Variants in RNF170 observed in about 807,000 individuals in gnomAD.
RNF170 encodes the protein E3 ubiquitin-protein ligase RNF170.
In RNF170, 12 loss-of-function variants were observed where a neutral mutation model predicts 32.7. That is an observed-to-expected ratio of 0.37 (90% CI 0.24 to 0.60). The LOEUF is 0.60. Ranked by LOEUF, RNF170 falls within the 20% of genes least tolerant of loss-of-function variation. The pLI is 0.72. For missense variants in RNF170, 212 were observed against 311.2 expected, an observed-to-expected ratio of 0.68 and a Z score of 2.40; for synonymous variants, 91 against 103.6, an observed-to-expected ratio of 0.88 and a Z score of 0.74.
At chr8:42,859,704 A>G (rs35057982) in intron 6 of RNF170, among the ~76,000 whole-genome samples, 11,751 of 151,936 alleles carry the variant, frequency 0.077, 530 homozygotes, top group African/African-American at 0.12. Flanking sequence ...GCTGGAGTGC[A>G]GTGATGTGAT....
intron 2 of RNF170, among the ~76,000 whole-genome samples, chr8:42,885,667 A>C (rs143666229): frequency 0.014 from 2,201 of 152,310 alleles, 29 homozygotes; most frequent in Middle Eastern, 0.031. Flanking sequence ...CCTGGTGATT[A>C]GTAATGTTGA....
At chr8:42,883,570 G>GAAAAAAAAAA (rs34475440) in intron 2 of RNF170, among the ~76,000 whole-genome samples, 1 of 43,736 alleles carries the variant, frequency 2.3e-5, no homozygotes. Flanking sequence ...CTCTGTCTCA[G>GAAAAAAAAAA]AAAAAAAAAA....
chr8:42,850,477 T>C (rs545355083), downstream of RNF170: 1 of 374,402 alleles, frequency 2.7e-6, no homozygotes, highest in African/African-American at 2.1e-5. Context: ...GATCTTTCCT[T>C]GTCTTCTGCC....
At chr8:42,891,352 A>G (rs926943793) in intron 1 of RNF170, among the ~76,000 whole-genome samples, 1 of 152,090 alleles carries the variant, frequency 6.6e-6, no homozygotes, top group African/African-American at 2.4e-5. Flanking sequence ...ATAAACAACT[A>G]AAAAAAGACT....
downstream of RNF170, chr8:42,851,091 T>C (rs1802928881): frequency 1.7e-5 from 26 of 1,510,892 alleles, no homozygotes; most frequent in Non-Finnish European, 2.1e-5. Context: ...TTCCTGCTTC[T>C]TCAACCTCAC....
In RNF170 at chr8:42,874,025, T is replaced by C. The variant is rs373449595; in HGVS notation, c.138-19A>G. On this transcript the variant is annotated intron_variant, in intron 2 of 6. Coordinates refer to ENST00000527424, the MANE Select transcript of RNF170 (RefSeq NM_030954.4). ...TACATTTCTGTTGAATAGAATATAA[T>C]AAATTTTGAATAGAAAATATTATCA... 3 of 1,439,752 alleles carry C rather than the reference T, an allele frequency of 2.1e-6. No homozygotes were observed. The highest frequency in any genetic ancestry group is 2.3e-5 in the East Asian group (1 of 43,898). The allele number at this position is 1,439,752 out of a possible 1,614,324, so 89.2% of individuals were successfully genotyped here.
chr8:42,882,255 C>G (rs578067589), intron 2 of RNF170, among the ~76,000 whole-genome samples: 3 of 152,284 alleles, frequency 2.0e-5, no homozygotes, highest in African/African-American at 7.2e-5. Context: ...AAAACACAGA[C>G]TCAAACAGAT....
At position 42,862,298 on chromosome 8, in the gene RNF170, C is replaced by T. The variant is rs193058795; in HGVS notation, c.397-443G>A. Among the ~76,000 whole-genome samples, 8 of 152,182 alleles carry T rather than the reference C, an allele frequency of 5.3e-5. No homozygotes were observed. The East Asian group carries it at 1.5e-3, about 29-fold the overall frequency. On this transcript the variant is annotated intron_variant, in intron 5 of 6. Transcript: ENST00000527424. ...GTATTTGAAAGATCTTTGAATGCTACCAACCATAATATAAAGATTATGTTA... is the reference window on the plus strand; with the variant it reads ...GTATTTGAAAGATCTTTGAATGCTATCAACCATAATATAAAGATTATGTTA...
Position 42,896,471 on chromosome 8 carries a change from G to T in RNF170, c.-8+13C>A, listed in dbSNP as rs749603531. ...CCGATAGGGTGGGCGTGGCCGCCGC[G>T]CGCCGGACGTACCTCTCCACCGCGA... is the stretch of plus-strand genomic sequence containing the variant. On this transcript the variant is annotated intron_variant, in intron 1 of 6. Transcript: ENST00000527424. 2 of 453,784 alleles carry T rather than the reference G, an allele frequency of 4.4e-6. No homozygotes were observed. Among genetic ancestry groups the T allele is most frequent in the Non-Finnish European group, 8.8e-6 (2 of 226,650 alleles). 28.1% of individuals were successfully genotyped at this position (453,784 alleles called of 1,614,324 possible).
At chr8:42,851,068 C>A, downstream of RNF170, 2 of 1,535,792 alleles carry the variant, frequency 1.3e-6, no homozygotes, top group Admixed American at 2.0e-5. Context: ...CACGTAAATC[C>A]AAATCAACAG....
intron 1 of RNF170, 87 bp downstream of exon 1, chr8:42,896,397 A>T (rs912343406): frequency 4.5e-6 from 2 of 445,614 alleles, no homozygotes; most frequent in Non-Finnish European, 9.0e-6. Context: ...CTCGGCGGCC[A>T]GAGCTACCCC....
intron 2 of RNF170, among the ~76,000 whole-genome samples, chr8:42,876,476 C>T (rs1252808474): frequency 2.6e-5 from 4 of 151,716 alleles, no homozygotes; most frequent in Non-Finnish European, 5.9e-5. Flanking sequence ...GCTCCCTGCT[C>T]TACTCTCTTC....
intron 2 of RNF170, among the ~76,000 whole-genome samples, chr8:42,878,475 C>G (rs1805131119): frequency 6.6e-6 from 1 of 152,226 alleles, no homozygotes; most frequent in South Asian, 2.1e-4. Context: ...AAACCAGCCA[C>G]AACATTTCCT....
At chr8:42,885,816 T>G (rs1805770705) in intron 2 of RNF170, among the ~76,000 whole-genome samples, 1 of 152,160 alleles carries the variant, frequency 6.6e-6, no homozygotes. Context: ...TGAAATGCAG[T>G]GGTATGATCA....
intron 6 of RNF170, 23 bp from the exon 7 acceptor site, chr8:42,856,451 T>G: frequency 6.5e-7 from 1 of 1,545,022 alleles, no homozygotes; most frequent in South Asian, 1.1e-5. Flanking sequence ...AAAACAAGTA[T>G]TATGATTCAG....
At chr8:42,860,811 G>A (rs1315687894) in intron 6 of RNF170, among the ~76,000 whole-genome samples, 5 of 152,040 alleles carry the variant, frequency 3.3e-5, no homozygotes, top group Non-Finnish European at 5.9e-5. Flanking sequence ...TCTGTCTGCC[G>A]GGTACAAGTG....
intron 1 of RNF170, among the ~76,000 whole-genome samples, chr8:42,890,263 T>C (rs937006036): frequency 6.6e-6 from 1 of 150,488 alleles, no homozygotes; most frequent in Admixed American, 6.6e-5. Flanking sequence ...TTATATTCTT[T>C]TTTTTTTTTG....
At position 42,853,423 on chromosome 8, in the gene RNF170, A is replaced by G. The variant is rs767600722; in HGVS notation, c.*2736T>C. 3.9e-6 allele frequency: 5 copies of G among 1,287,046 alleles called. No homozygotes were observed. The African/African-American group carries it at 7.6e-5, about 20-fold the overall frequency. 79.7% of individuals were successfully genotyped at this position (1,287,046 alleles called of 1,614,324 possible). On this transcript the variant is annotated 3_prime_UTR_variant, in exon 7 of 7. Coordinates refer to ENST00000527424, the MANE Select transcript of RNF170 (RefSeq NM_030954.4). ...CTGTGAGGTAGGTATCTGCATAGCCACAAGGGATCCACATAGTCCTTTCTT... is the reference window on the plus strand; with the variant it reads ...CTGTGAGGTAGGTATCTGCATAGCCGCAAGGGATCCACATAGTCCTTTCTT...
chr8:42,869,334 G>T (rs1052833987), intron 4 of RNF170, among the ~76,000 whole-genome samples: 1 of 152,152 alleles, frequency 6.6e-6, no homozygotes, highest in African/African-American at 2.4e-5. Context: ...CTTCTATGGC[G>T]TAAGAAGCCA....
Sources: allele counts gnomAD v4.1 joint callset (sites outside exome capture counted in the v4.1 genomes callset), GRCh38; gene constraint gnomAD v4.1.1; transcripts MANE v1.5; gene names NCBI Gene and HGNC (gene_info 2026-07-23, HGNC 2026-07-21).